Variants in RYR2 observed in about 807,000 individuals in gnomAD.
RYR2 encodes ryanodine receptor 2.
Under a neutral mutation model 601.1 loss-of-function variants are expected in RYR2, and 227 were observed. The ratio of observed to expected loss-of-function variants is 0.38; its 90% confidence interval spans 0.34 to 0.42. The LOEUF (loss-of-function observed/expected upper bound fraction) is 0.42. Ranked by LOEUF, RYR2 falls within the 10% of genes least tolerant of loss-of-function variation. The pLI, the probability that RYR2 is intolerant of heterozygous loss-of-function variation, is 1.00. For synonymous variants in RYR2, 2,223 were observed against 2,175.1 expected (o/e 1.02, Z -0.61); for missense variants, 4,646 against 6,156.5 (o/e 0.75, Z 8.21).
intron 17 of RYR2, among the ~76,000 whole-genome samples, chr1:237,474,230 C>CATATATATACATAGATATATCTATACAT (rs1661122388): frequency 1.4e-5 from 1 of 69,148 alleles, no homozygotes; most frequent in African/African-American, 3.9e-5. Context: ...TAGATCTATA[C>CATATATATACATAGATATATCTATACAT]ATATATATGT....
intron 1 of RYR2, among the ~76,000 whole-genome samples, chr1:237,177,824 A>G (rs547971570): frequency 6.6e-6 from 1 of 152,328 alleles, no homozygotes; most frequent in East Asian, 1.9e-4. Flanking sequence ...ACTGAGCTGT[A>G]GAGTATGGGC....
intron 12 of RYR2, among the ~76,000 whole-genome samples, chr1:237,435,631 C>T (rs567388839): frequency 2.6e-5 from 4 of 152,158 alleles, no homozygotes; most frequent in South Asian, 2.1e-4. Context: ...ACTGTAAGAA[C>T]GAGAATGAAC....
At chr1:237,359,361 G>A (rs1699578739) in intron 4 of RYR2, among the ~76,000 whole-genome samples, 1 of 152,142 alleles carries the variant, frequency 6.6e-6, no homozygotes, top group South Asian at 2.1e-4. Context: ...TCGTACAGTT[G>A]AAAAATCATA....
chr1:237,721,458 A>T (rs1012986829), intron 73 of RYR2, among the ~76,000 whole-genome samples: 3 of 152,170 alleles, frequency 2.0e-5, no homozygotes, highest in Non-Finnish European at 4.4e-5. Context: ...CATAACATTC[A>T]GTCTCCCATT....
At chr1:237,401,464 AC>A (rs1558756598) in intron 10 of RYR2, among the ~76,000 whole-genome samples, 1,836 of 152,298 alleles carry the variant, frequency 0.012, 49 homozygotes, top group African/African-American at 0.042. Flanking sequence ...CTCACAGAAC[AC>A]AGATGTTATA....
At chr1:237,134,862 G>A (rs1201196433) in intron 1 of RYR2, among the ~76,000 whole-genome samples, 2 of 152,144 alleles carry the variant, frequency 1.3e-5, no homozygotes, top group Non-Finnish European at 2.9e-5. Flanking sequence ...TACAGATGGG[G>A]AAATTGAGTC....
At chr1:237,440,547 A>G (rs936164683) in intron 12 of RYR2, among the ~76,000 whole-genome samples, 1 of 152,124 alleles carries the variant, frequency 6.6e-6, no homozygotes, top group Non-Finnish European at 1.5e-5. Flanking sequence ...ATAAACAGAG[A>G]TTTGAAAAAA....
chr1:237,393,203 T>C (rs1190890590), intron 10 of RYR2, among the ~76,000 whole-genome samples: 1 of 152,190 alleles, frequency 6.6e-6, no homozygotes, highest in Non-Finnish European at 1.5e-5. Context: ...ATATGCTTGC[T>C]GTGTCTTGTT....
intron 32 of RYR2, among the ~76,000 whole-genome samples, chr1:237,593,166 A>T (rs1675421563): frequency 6.6e-6 from 1 of 152,204 alleles, no homozygotes. Flanking sequence ...TGTATATTAC[A>T]CACATCTAGC....
intron 1 of RYR2, among the ~76,000 whole-genome samples, chr1:237,147,369 A>G (rs907513765): frequency 6.6e-6 from 1 of 152,150 alleles, no homozygotes; most frequent in African/African-American, 2.4e-5. Context: ...TGGTAATACC[A>G]ACAGTATCCA....
chr1:237,378,425 A>G (rs1424144067), intron 8 of RYR2, among the ~76,000 whole-genome samples: 1 of 152,252 alleles, frequency 6.6e-6, no homozygotes, highest in Non-Finnish European at 1.5e-5. Flanking sequence ...GTAAGTTGAA[A>G]TGAAGATGTG....
chr1:237,804,432 G>C (rs1208439045), intron 98 of RYR2, among the ~76,000 whole-genome samples: 1 of 151,812 alleles, frequency 6.6e-6, no homozygotes, highest in African/African-American at 2.4e-5. Flanking sequence ...CTCTGTGAAA[G>C]ATTAAGATAT....
intron 48 of RYR2, 75 bp from the exon 49 acceptor site, chr1:237,648,369 C>T: frequency 7.9e-7 from 1 of 1,263,646 alleles, no homozygotes; most frequent in Non-Finnish European, 1.0e-6. Flanking sequence ...TGTAAGAAGT[C>T]TAGAAAGCAG....
intron 8 of RYR2, among the ~76,000 whole-genome samples, chr1:237,379,471 T>A (rs1701278343): frequency 1.3e-5 from 2 of 152,184 alleles, no homozygotes; most frequent in Admixed American, 6.5e-5. Flanking sequence ...AGCAATGAGA[T>A]AATGGATTTA....
At chr1:237,104,586 C>T (rs1668465290) in intron 1 of RYR2, among the ~76,000 whole-genome samples, 1 of 152,004 alleles carries the variant, frequency 6.6e-6, no homozygotes. Context: ...TTTTCTTTGC[C>T]CGGCAAATTC....
At chr1:237,751,848 A>G (rs1692561580) in intron 80 of RYR2, among the ~76,000 whole-genome samples, 1 of 152,222 alleles carries the variant, frequency 6.6e-6, no homozygotes, top group African/African-American at 2.4e-5. Context: ...ATAATGATGA[A>G]AGATCTGAAC....
At chr1:237,751,286 G>A (rs1692514129) in intron 80 of RYR2, among the ~76,000 whole-genome samples, 1 of 152,000 alleles carries the variant, frequency 6.6e-6, no homozygotes, top group Non-Finnish European at 1.5e-5. Context: ...CAAATAAGTG[G>A]GTAAATGACC....
At chr1:237,356,763 C>CACCAGG (rs1184846220) in intron 4 of RYR2, among the ~76,000 whole-genome samples, 1 of 152,156 alleles carries the variant, frequency 6.6e-6, no homozygotes, top group African/African-American at 2.4e-5. Context: ...ATACTTAACA[C>CACCAGG]ACCAGGATTC....
intron 1 of RYR2, among the ~76,000 whole-genome samples, chr1:237,088,684 T>C (rs1666625854): frequency 1.3e-5 from 2 of 152,242 alleles, no homozygotes; most frequent in Admixed American, 1.3e-4. Flanking sequence ...ATTGGTTTTA[T>C]GTTGTAGAAA....
Sources: gnomAD v4.1 joint callset for allele counts (sites outside exome capture counted in the v4.1 genomes callset) on GRCh38, gnomAD v4.1.1 for gene constraint, MANE v1.5 for transcripts, NCBI Gene and HGNC (gene_info 2026-07-23, HGNC 2026-07-21) for gene names.